MLLT1: variants seen among roughly 807,000 people sequenced by gnomAD.
The protein encoded by MLLT1 is protein ENL.
Under a neutral mutation model 55.1 loss-of-function variants are expected in MLLT1, and 11 were observed. The ratio of observed to expected loss-of-function variants is 0.20; its 90% confidence interval spans 0.13 to 0.33. The LOEUF is 0.33. MLLT1 is among the 10% of genes least tolerant of loss of function. The pLI, the probability that MLLT1 is intolerant of heterozygous loss-of-function variation, is 1.00. For synonymous variants in MLLT1, 323 were observed against 320.1 expected (o/e 1.01, Z -0.10); for missense variants, 536 against 760.6 (o/e 0.70, Z 3.47).
In MLLT1 at chr19:6,211,762, G is replaced by A. The variant is rs2090774583; in HGVS notation, c.*1280C>T. The A allele has an allele frequency of 9.4e-6, 10 of 1,063,890 alleles. No homozygotes were observed. In the South Asian group the frequency reaches 3.6e-4, roughly 39 times the overall value. 65.9% of individuals were successfully genotyped at this position (1,063,890 alleles called of 1,614,324 possible). A position where few individuals can be genotyped will look rare whatever the true frequency, so the allele number is the denominator to read the frequency against. Reference sequence around the variant, plus strand: ...GCCCCTGGGACCCCCAGCCACGATGGGCTGGCTCCGCGGGAGCGTCCTGGC... The same window carrying A: ...GCCCCTGGGACCCCCAGCCACGATGAGCTGGCTCCGCGGGAGCGTCCTGGC... On this transcript the variant is annotated 3_prime_UTR_variant, in exon 12 of 12. Coordinates refer to ENST00000252674, the MANE Select transcript of MLLT1 (RefSeq NM_005934.4). This position sits in a 1 kb window ranked among gnomAD's most constrained non-coding sequence, Gnocchi z 4.6.
rs1050098942 is a variant in MLLT1, at chr19:6,227,940, G to T, written c.421-838C>A. Among the ~76,000 whole-genome samples, 7 of 152,150 alleles carry T rather than the reference G, an allele frequency of 4.6e-5. No homozygotes were observed. The highest frequency in any genetic ancestry group is 4.6e-4 in the Admixed American group (7 of 15,280). ...GAAGAAAATACACTTCAAAAAAAAA[G>T]TATTGAAGTCGGTAGAAGAAGCACT... On this transcript the variant is annotated intron_variant, in intron 4 of 11. Transcript: ENST00000252674. This position sits in a 1 kb window ranked among gnomAD's most constrained non-coding sequence, Gnocchi z 5.1.
At chr19:6,220,044 G>T (rs1182751639) in intron 6 of MLLT1, among the ~76,000 whole-genome samples, 1 of 152,246 alleles carries the variant, frequency 6.6e-6, no homozygotes, top group Non-Finnish European at 1.5e-5. Context: ...AGATCCCCAA[G>T]GGCCAGGGAG....
rs2090775025 is a variant in MLLT1 at position 6,211,801 on chromosome 19, GCCGGGAAGGAGGA to G, written c.*1228_*1240del. 2.8e-6 allele frequency: 3 copies of G among 1,064,120 alleles called. No homozygotes were observed. The South Asian group carries it at 1.4e-4, about 48-fold the overall frequency. The allele number at this position is 1,064,120 out of a possible 1,614,324, so 65.9% of individuals were successfully genotyped here. A position where few individuals can be genotyped will look rare whatever the true frequency, so the allele number is the denominator to read the frequency against. On this transcript the variant is annotated 3_prime_UTR_variant, in exon 12 of 12. Transcript: ENST00000252674. This position sits in a 1 kb window ranked among gnomAD's most constrained non-coding sequence, Gnocchi z 4.6. ...GAGCGTCCTGGCCCTGGAAGAGTGG[GCCGGGAAGGAGGA>G]CCGGCTTGGCCCCTGGAGAATCTCA...
chr19:6,251,377 G>A (rs2091212783), intron 3 of MLLT1, among the ~76,000 whole-genome samples: 1 of 152,208 alleles, frequency 6.6e-6, no homozygotes, highest in Admixed American at 6.5e-5. Context: ...AATGAATCTG[G>A]TTCATCCATT....
chr19:6,214,117 C>A, intron 8 of MLLT1, 79 bp from the exon 9 acceptor site: 1 of 909,416 alleles, frequency 1.1e-6, no homozygotes, highest in Non-Finnish European at 1.5e-6. Context: ...AAGCCTCTGC[C>A]CCGCACGGAG....
At position 6,273,383 on chromosome 19, in the gene MLLT1, T is replaced by G. The variant is rs2091409471; in HGVS notation, c.13-2624A>C. 6.6e-6 allele frequency among the ~76,000 whole-genome samples: 1 copy of G among 151,920 alleles called. No individual in the cohort carries two copies. The highest frequency in any genetic ancestry group is 1.5e-5 in the Non-Finnish European group (1 of 67,974). ...AGCAGGGACATTCACGACCCCAGTG[T>G]GGGAAGAAAGTGGGGATGGACGGAA... On this transcript the variant is annotated intron_variant, in intron 1 of 11. Transcript: ENST00000252674. This position sits in a 1 kb window ranked among gnomAD's most constrained non-coding sequence, Gnocchi z 4.3.
chr19:6,265,439 G>A (rs1465521923), intron 2 of MLLT1, among the ~76,000 whole-genome samples: 2 of 152,074 alleles, frequency 1.3e-5, no homozygotes, highest in African/African-American at 2.4e-5. Flanking sequence ...GGGAGGCTGA[G>A]GAAGGCGAAT....
In MLLT1 at chr19:6,270,650, T is replaced by C; in HGVS notation, c.122A>G (p.Gln41Arg). 1 of 1,614,182 alleles carries C rather than the reference T, an allele frequency of 6.2e-7. No homozygotes were observed. The highest frequency in any genetic ancestry group is 1.3e-5 in the African/African-American group (1 of 75,064). Reference sequence around the variant, plus strand: ...CTCCACGAAGTGCTGGATGTCACATTGCTCGGGGCCGCGGACAAACACCAT... The same window carrying C: ...CTCCACGAAGTGCTGGATGTCACATCGCTCGGGGCCGCGGACAAACACCAT... ...DWMVFVRGPE[Q>R]CDIQHFVEKV... is the part of the protein sequence containing the mutation. The change falls in exon 2 of 12, where the codon CAA becomes CGA. Residue 41 changes from glutamine to arginine, a missense_variant. This residue lies in a region of MLLT1 where 62 missense variants were observed against 195.8 expected (regional missense o/e 0.32). Transcript: ENST00000252674. The surrounding 1 kb of genome is among the most constrained non-coding windows in gnomAD (Gnocchi z 7.1).
chr19:6,230,951 T>C lies in MLLT1; in HGVS notation c.277-238A>G, dbSNP rs571288705. Among the ~76,000 whole-genome samples, 3 of 152,298 alleles carry C rather than the reference T, an allele frequency of 2.0e-5. No individual in the cohort carries two copies. The highest frequency in any genetic ancestry group is 3.9e-4 in the East Asian group (2 of 5,160). On this transcript the variant is annotated intron_variant, in intron 3 of 11. Coordinates refer to ENST00000252674, the MANE Select transcript of MLLT1 (RefSeq NM_005934.4). This position sits in a 1 kb window ranked among gnomAD's most constrained non-coding sequence, Gnocchi z 9.0. ...CCATGGCAGAAAGAAAGCTCATTCATAGCCATGCTCTCGGACTGTTATGGG... is the reference window on the plus strand; with the variant it reads ...CCATGGCAGAAAGAAAGCTCATTCACAGCCATGCTCTCGGACTGTTATGGG...
chr19:6,216,477 T>A lies in MLLT1; in HGVS notation c.1235A>T (p.Glu412Val). Residue 412 changes from glutamate to valine, a missense_variant, in exon 8 of 12, where the codon GAG (glutamate) becomes GTG (valine). Physicochemically the swap from Glu to Val is moderately radical, Grantham distance 121. Transcript: ENST00000252674. ...LRSMVEDLQS[E>V]ESDEDDSSSG... is the part of the protein sequence containing the mutation. Reference sequence around the variant, plus strand: ...CGAAGAGTCGTCCTCGTCGGACTCCTCGGACTGCAGGTCCTCCACCATGGA... The same window carrying A: ...CGAAGAGTCGTCCTCGTCGGACTCCACGGACTGCAGGTCCTCCACCATGGA... The A allele has an allele frequency of 6.2e-7, 1 of 1,606,572 alleles. No homozygotes were observed.
At position 6,216,080 on chromosome 19, in the gene MLLT1, C is replaced by A. The variant is rs542572199; in HGVS notation, c.1307+325G>T. Among the ~76,000 whole-genome samples, 23 of 152,258 alleles carry A rather than the reference C, an allele frequency of 1.5e-4. No individual in the cohort carries two copies. The East Asian group carries it at 3.9e-3, about 26-fold the overall frequency. ...AGAAACAGGCCTGCTCCCCTCCCCC[C>A]ACCTCCAGCCTGGGCTCCCTCCTGC... is the stretch of plus-strand genomic sequence containing the variant. On this transcript the variant is annotated intron_variant, in intron 8 of 11. Transcript: ENST00000252674.
chr19:6,239,617 C>A (rs143173126), intron 3 of MLLT1, among the ~76,000 whole-genome samples: 23 of 152,092 alleles, frequency 1.5e-4, no homozygotes, highest in Admixed American at 2.6e-4. Flanking sequence ...ATGCACACAC[C>A]CACCCACACA....
rs1361964446 is a variant in MLLT1, at chr19:6,273,864, T to C, written c.13-3105A>G. Among the ~76,000 whole-genome samples the C allele has an allele frequency of 6.6e-6, 1 of 152,198 alleles. No individual in the cohort carries two copies. Among genetic ancestry groups the C allele is most frequent in the African/African-American group, 2.4e-5 (1 of 41,456 alleles). On this transcript the variant is annotated intron_variant, in intron 1 of 11. Coordinates refer to ENST00000252674, the MANE Select transcript of MLLT1 (RefSeq NM_005934.4). This position sits in a 1 kb window ranked among gnomAD's most constrained non-coding sequence, Gnocchi z 4.3. ...CCCGGCATTTCTGATGACAGGGAGTTCCTACCCAGGGCACGCAGGCGGCAG... is the reference window on the plus strand; with the variant it reads ...CCCGGCATTTCTGATGACAGGGAGTCCCTACCCAGGGCACGCAGGCGGCAG...
At chr19:6,257,019 T>C (rs1415082363) in intron 3 of MLLT1, among the ~76,000 whole-genome samples, 2 of 152,178 alleles carry the variant, frequency 1.3e-5, no homozygotes, top group South Asian at 2.1e-4. Flanking sequence ...ACTTCATATA[T>C]GAAAGTTCAC....
At chr19:6,218,747 C>T (rs2090869320) in intron 6 of MLLT1, among the ~76,000 whole-genome samples, 1 of 152,242 alleles carries the variant, frequency 6.6e-6, no homozygotes, top group Non-Finnish European at 1.5e-5. Context: ...GTGTATGGGG[C>T]AGAGGCGTAG....
Position 6,270,101 on chromosome 19 carries a change from A to G in MLLT1, c.193+478T>C, listed in dbSNP as rs8104540. On this transcript the variant is annotated intron_variant, in intron 2 of 11. Transcript: ENST00000252674. The surrounding 1 kb of genome is among the most constrained non-coding windows in gnomAD (Gnocchi z 7.1). ...CCACAGGTGGAGACGCTGACAGAAT[A>G]CACGACTGAGGCACTCGTGCTGAAT... 0.27 allele frequency among the ~76,000 whole-genome samples: 41,170 copies of G among 151,930 alleles called. 6,594 individuals carry two copies. Among genetic ancestry groups the G allele is most frequent in the African/African-American group, 0.44 (18,306 of 41,450 alleles).
chr19:6,254,752 A>G (rs2091244906), intron 3 of MLLT1, among the ~76,000 whole-genome samples: 1 of 152,144 alleles, frequency 6.6e-6, no homozygotes, highest in African/African-American at 2.4e-5. Context: ...CTGACATCAC[A>G]CTCAATGGAA....
Position 6,212,371 on chromosome 19 carries a change from C to A in MLLT1, c.*671G>T. ...TGGCTCGGCCTCCAGCCCCACACCA[C>A]CGCAGAGACATCTTAACCTACAAGC... is the stretch of plus-strand genomic sequence containing the variant. On this transcript the variant is annotated 3_prime_UTR_variant, in exon 12 of 12. Transcript: ENST00000252674. The A allele has an allele frequency of 9.4e-7, 1 of 1,066,360 alleles. No individual in the cohort carries two copies. The highest frequency in any genetic ancestry group is 1.1e-6 in the Non-Finnish European group (1 of 879,760). 66.1% of individuals were successfully genotyped at this position (1,066,360 alleles called of 1,614,324 possible). A position where few individuals can be genotyped will look rare whatever the true frequency, so the allele number is the denominator to read the frequency against.
At chr19:6,257,991 C>T (rs2091272975) in intron 3 of MLLT1, among the ~76,000 whole-genome samples, 1 of 152,174 alleles carries the variant, frequency 6.6e-6, no homozygotes, top group South Asian at 2.1e-4. Flanking sequence ...AGAAAACAAG[C>T]ATTGCTGAGG....
Sources: gnomAD v4.1 joint callset for allele counts (sites outside exome capture counted in the v4.1 genomes callset) on GRCh38, gnomAD v4.1.1 for gene constraint, gnomAD v4.1.1 regional missense constraint, Gnocchi (gnomAD v3.1) non-coding constraint, MANE v1.5 for transcripts, NCBI Gene and HGNC (gene_info 2026-07-23, HGNC 2026-07-21) for gene names.